The following ARHGAP32 variants were observed in gnomAD, a reference collection of about 807,000 sequenced individuals.
The protein encoded by ARHGAP32 is Rho GTPase activating protein 32, also known as rho GTPase-activating protein 32.
ARHGAP32 carries 51 observed loss-of-function variants against 186.5 expected under a neutral mutation model. That is an observed-to-expected ratio of 0.27 (90% confidence interval 0.22 to 0.35). ARHGAP32 has a LOEUF of 0.35. Among genes scored for constraint, ARHGAP32 ranks in the 10% least tolerant of loss-of-function variants. ARHGAP32 has a pLI of 1.00. For missense variants in ARHGAP32, 2,186 were observed against 2,623.5 expected (o/e 0.83, Z 3.64); for synonymous variants, 950 against 964.3 (o/e 0.99, Z 0.27).
At chr11:128,986,983 A>G (rs1945892214) in intron 13 of ARHGAP32, among the ~76,000 whole-genome samples, 1 of 152,184 alleles carries the variant, frequency 6.6e-6, no homozygotes, top group African/African-American at 2.4e-5. Context: ...CCTAATTGCT[A>G]ATGACTTGAA....
rs754812911 is a variant in ARHGAP32 at position 129,066,748 on chromosome 11, G to C, written c.652C>G (p.Leu218Val). The C allele has an allele frequency of 2.5e-6, 4 of 1,612,182 alleles. No individual in the cohort carries two copies. The East Asian group carries it at 6.7e-5, about 27-fold the overall frequency. ...QLSELPRSDT[L>V]KDSPESVTQM... ...ATGCTTACCTCTGGACTGTCCTTCA[G>C]GGTGTCAGAACGGGGAAGTTCTGAG... The change falls in exon 7 of 23, where the codon CTG (leucine) becomes GTG (valine). Residue 218 changes from leucine to valine, a missense_variant. Leu to Val is a conservative substitution (Grantham distance 32). This residue lies in a region of ARHGAP32 where 308 missense variants were observed against 596.5 expected (regional missense o/e 0.52). Coordinates refer to ENST00000682385, the MANE Select transcript of ARHGAP32 (RefSeq NM_001378024.1).
Position 129,267,507 on chromosome 11 carries a change from G to A in ARHGAP32, c.-5+11639C>T, listed in dbSNP as rs374928583. On this transcript the variant is annotated intron_variant, in intron 1 of 6. Coordinates refer to the ARHGAP32 transcript ENST00000525234. ...GTTAACTTGACTGATAATTTGTATA[G>A]ACATATGTTTCGAGACCCCGTCTCA... is the stretch of plus-strand genomic sequence containing the variant. Among the ~76,000 whole-genome samples, 13 of 151,370 alleles carry A rather than the reference G, an allele frequency of 8.6e-5. No individual in the cohort carries two copies. In the East Asian group the frequency reaches 1.4e-3, roughly 16 times the overall value.
chr11:129,161,819 T>C (rs1423158884), intron 2 of ARHGAP32, among the ~76,000 whole-genome samples: 3 of 152,314 alleles, frequency 2.0e-5, no homozygotes, highest in African/African-American at 7.2e-5. Flanking sequence ...GTATTATAAA[T>C]CATTCTACTA....
Position 129,192,238 on chromosome 11 carries a change from T to G in ARHGAP32, c.-40A>C, listed in dbSNP as rs574272500. 1 of 1,455,066 alleles carries G rather than the reference T, an allele frequency of 6.9e-7. No homozygotes were observed. Among genetic ancestry groups the G allele is most frequent in the East Asian group, 2.3e-5 (1 of 44,094 alleles). 90.1% of individuals were successfully genotyped at this position (1,455,066 alleles called of 1,614,324 possible). The stretch of plus-strand genomic sequence containing the variant: ...ACAAAAAAAACTAAACCTCCAGGCA[T>G]GGAATAAAAAGCACCAACATTCAGG... On this transcript the variant is annotated 5_prime_UTR_variant, in exon 1 of 23. An upstream start codon of the reference 5' UTR is lost. Transcript: ENST00000682385.
intron 11 of ARHGAP32, among the ~76,000 whole-genome samples, chr11:129,004,245 CTTTTTTTT>C (rs71057919): frequency 1.7e-5 from 2 of 116,384 alleles, no homozygotes; most frequent in East Asian, 2.4e-4. Context: ...CAATGCTTTC[CTTTTTTTT>C]TTTTTTTTTT....
At chr11:129,124,695 G>A (rs1591634604) in intron 3 of ARHGAP32, 108 bp downstream of exon 3, 1 of 776,528 alleles carries the variant, frequency 1.3e-6, no homozygotes, top group East Asian at 2.7e-5. Flanking sequence ...CAGTTGCACA[G>A]TAACAGCATA....
intron 2 of ARHGAP32, among the ~76,000 whole-genome samples, chr11:129,146,065 G>A (rs1359009095): frequency 3.9e-5 from 6 of 152,094 alleles, no homozygotes; most frequent in Non-Finnish European, 7.4e-5. Context: ...AGACTGAGAT[G>A]ATAAACATCA....
At chr11:129,259,022 C>A (rs1334060811) in intron 1 of ARHGAP32, among the ~76,000 whole-genome samples, 1 of 152,118 alleles carries the variant, frequency 6.6e-6, no homozygotes, top group Non-Finnish European at 1.5e-5. Context: ...ATGGTGCTAG[C>A]CACTAGTCAT....
intron 1 of ARHGAP32, among the ~76,000 whole-genome samples, chr11:129,241,354 G>C (rs1945015027): frequency 6.6e-6 from 1 of 152,152 alleles, no homozygotes; most frequent in Admixed American, 6.5e-5. Flanking sequence ...TATAAAAACA[G>C]ACAAGTAGTC....
intron 1 of ARHGAP32, among the ~76,000 whole-genome samples, chr11:129,200,570 A>G (rs969566428): frequency 2.0e-5 from 3 of 152,176 alleles, no homozygotes; most frequent in Non-Finnish European, 2.9e-5. Flanking sequence ...CGAGCCACAT[A>G]GAACTGTGAG....
intron 10 of ARHGAP32, among the ~76,000 whole-genome samples, chr11:129,045,193 C>T (rs184206497): frequency 9.2e-5 from 14 of 152,314 alleles, no homozygotes; most frequent in Admixed American, 7.8e-4. Context: ...GGCAAAGCCG[C>T]AACACATGTA....
Position 128,974,121 on chromosome 11 carries a change from T to C in ARHGAP32, c.3073+3A>G, listed in dbSNP as rs2136079178. ...AGAAAGAATGGAGGAAAACAAACGGTACCTGTCTGAGTCTGTCCAGAAGCT... is the reference window on the plus strand; with the variant it reads ...AGAAAGAATGGAGGAAAACAAACGGCACCTGTCTGAGTCTGTCCAGAAGCT... On this transcript the variant is annotated splice_donor_region_variant and intron_variant, in intron 21 of 22. Coordinates refer to ENST00000682385, the MANE Select transcript of ARHGAP32 (RefSeq NM_001378024.1). The C allele has an allele frequency of 6.2e-7, 1 of 1,613,628 alleles. No individual in the cohort carries two copies. Among genetic ancestry groups the C allele is most frequent in the Admixed American group, 1.7e-5 (1 of 59,980 alleles).
chr11:129,047,717 G>C (rs1188559391), intron 10 of ARHGAP32, among the ~76,000 whole-genome samples: 1 of 152,048 alleles, frequency 6.6e-6, no homozygotes, highest in African/African-American at 2.4e-5. Context: ...CCCGAAACAT[G>C]CTTAAAGAAC....
chr11:129,261,875 G>A (rs908118392), intron 1 of ARHGAP32, among the ~76,000 whole-genome samples: 1 of 152,086 alleles, frequency 6.6e-6, no homozygotes, highest in African/African-American at 2.4e-5. Context: ...AAATGCAATA[G>A]TATATAGAAA....
At chr11:129,072,553 C>T (rs557610950) in intron 6 of ARHGAP32, among the ~76,000 whole-genome samples, 1 of 152,294 alleles carries the variant, frequency 6.6e-6, no homozygotes, top group East Asian at 1.9e-4. Flanking sequence ...CACTATCCCC[C>T]TCCCAAATTA....
chr11:129,245,366 G>A (rs1038273931), intron 1 of ARHGAP32, among the ~76,000 whole-genome samples: 5 of 148,628 alleles, frequency 3.4e-5, no homozygotes, highest in South Asian at 2.1e-4. Flanking sequence ...ACCAAACACC[G>A]CATATTCTCA....
intron 2 of ARHGAP32, among the ~76,000 whole-genome samples, chr11:129,135,924 A>G (rs1327947330): frequency 1.3e-5 from 2 of 152,238 alleles, no homozygotes; most frequent in Non-Finnish European, 2.9e-5. Context: ...TTAAAAGGAC[A>G]CACACGGAAA....
intron 6 of ARHGAP32, among the ~76,000 whole-genome samples, chr11:129,086,084 C>T (rs1352421990): frequency 6.7e-6 from 1 of 149,882 alleles, no homozygotes; most frequent in Non-Finnish European, 1.5e-5. Flanking sequence ...AAAGAACAGA[C>T]AAATTGATCA....
At chr11:129,159,305 G>A (rs1446745739) in intron 2 of ARHGAP32, among the ~76,000 whole-genome samples, 1 of 152,008 alleles carries the variant, frequency 6.6e-6, no homozygotes, top group Non-Finnish European at 1.5e-5. Context: ...TAGACTGCTA[G>A]CCAGATTAAT....
Sources: gnomAD v4.1 joint callset for allele counts (sites outside exome capture counted in the v4.1 genomes callset) on GRCh38, gnomAD v4.1.1 for gene constraint, gnomAD v4.1.1 regional missense constraint, MANE v1.5 for transcripts, NCBI Gene and HGNC (gene_info 2026-07-23, HGNC 2026-07-21) for gene names.